Variants in HS3ST5 observed in about 807,000 individuals in gnomAD.
HS3ST5 encodes the protein heparan sulfate-glucosamine 3-sulfotransferase 5, also known as heparan sulfate glucosamine 3-O-sulfotransferase 5.
Under a neutral mutation model 25.4 loss-of-function variants are expected in HS3ST5, and 10 were observed. The observed-to-expected ratio is 0.39, with a 90% CI of 0.24 to 0.67. The LOEUF (loss-of-function observed/expected upper bound fraction) is 0.67, where lower values mean the gene tolerates loss of function less well. Among genes scored for constraint, HS3ST5 ranks in the 30% least tolerant of loss-of-function variants. The pLI is 0.44. For synonymous variants in HS3ST5, 170 were observed against 162.4 expected (o/e 1.05, Z -0.36); for missense variants, 324 against 420.7 (o/e 0.77, Z 2.01).
intron 3 of HS3ST5, among the ~76,000 whole-genome samples, chr6:114,133,561 G>T (rs148912529): frequency 3.9e-4 from 60 of 152,302 alleles, no homozygotes; most frequent in African/African-American, 1.3e-3. Context: ...GGGACTAGAT[G>T]TCTTAATATG....
intron 3 of HS3ST5, among the ~76,000 whole-genome samples, chr6:114,115,038 T>C (rs1223932884): frequency 1.3e-5 from 2 of 152,134 alleles, no homozygotes; most frequent in Non-Finnish European, 2.9e-5. Context: ...ATAAATGCTA[T>C]GTACAATGTG....
In HS3ST5 at chr6:114,232,226, C is replaced by T. The variant is rs549093362; in HGVS notation, c.-338-3448G>A. 6.2e-4 allele frequency among the ~76,000 whole-genome samples: 94 copies of T among 152,248 alleles called. 1 individual carries two copies. Among genetic ancestry groups the T allele is most frequent in the African/African-American group, 2.1e-3 (87 of 41,544 alleles). On this transcript the variant is annotated intron_variant, in intron 1 of 4. Coordinates refer to ENST00000312719, the MANE Select transcript of HS3ST5 (RefSeq NM_153612.4). ...AATTCATAATGAGAGAATCCTAAAT[C>T]GAAACCACTTTATTATCCACTGTAT... is the stretch of plus-strand genomic sequence containing the variant.
chr6:114,093,081 G>A (rs1363990006), intron 3 of HS3ST5, among the ~76,000 whole-genome samples: 1 of 152,134 alleles, frequency 6.6e-6, no homozygotes, highest in East Asian at 1.9e-4. Context: ...CAGGATTGTG[G>A]AAGTTCAATA....
At chr6:114,081,859 A>T (rs1774468264) in intron 3 of HS3ST5, among the ~76,000 whole-genome samples, 1 of 152,168 alleles carries the variant, frequency 6.6e-6, no homozygotes, top group Non-Finnish European at 1.5e-5. Context: ...TCTCAGCTTT[A>T]TTGAGATATA....
At chr6:114,293,674 A>G (rs140347868) in intron 1 of HS3ST5, among the ~76,000 whole-genome samples, 1 of 152,352 alleles carries the variant, frequency 6.6e-6, no homozygotes, top group East Asian at 1.9e-4. Flanking sequence ...ATAAGAGCAT[A>G]TAAAATCACT....
chr6:114,307,553 T>TA (rs1297284358), intron 1 of HS3ST5, among the ~76,000 whole-genome samples: 1 of 152,076 alleles, frequency 6.6e-6, no homozygotes, highest in Non-Finnish European at 1.5e-5. Flanking sequence ...AGAATCATGA[T>TA]AAAAAATAAT....
At chr6:114,179,243 A>G (rs1779854671) in intron 2 of HS3ST5, 1 of 152,232 alleles carries the variant, frequency 6.6e-6, no homozygotes, top group Non-Finnish European at 1.5e-5. Context: ...ATAGTAAGCA[A>G]GCAATAATTA....
intron 3 of HS3ST5, among the ~76,000 whole-genome samples, chr6:114,165,950 G>A (rs1393721364): frequency 2.0e-5 from 3 of 152,110 alleles, no homozygotes; most frequent in East Asian, 1.9e-4. Flanking sequence ...GGAGGCTGAC[G>A]CGGGAGGATC....
At chr6:114,210,786 T>C (rs955125150) in intron 2 of HS3ST5, among the ~76,000 whole-genome samples, 2 of 152,232 alleles carry the variant, frequency 1.3e-5, no homozygotes, top group Non-Finnish European at 2.9e-5. Flanking sequence ...TTGGTCATAG[T>C]TATAAAATTT....
At chr6:114,120,000 C>G (rs1263445950) in intron 3 of HS3ST5, among the ~76,000 whole-genome samples, 2 of 152,044 alleles carry the variant, frequency 1.3e-5, no homozygotes, top group Non-Finnish European at 2.9e-5. Flanking sequence ...CAAAAATTAC[C>G]CAGGTGTGGT....
chr6:114,067,288 G>A (rs1286298355), intron 3 of HS3ST5, among the ~76,000 whole-genome samples: 1 of 152,114 alleles, frequency 6.6e-6, no homozygotes, highest in Non-Finnish European at 1.5e-5. Flanking sequence ...AGCTGGGCTT[G>A]GGAATAAAAC....
chr6:114,323,773 T>C (rs947437186), intron 1 of HS3ST5, among the ~76,000 whole-genome samples: 5 of 152,142 alleles, frequency 3.3e-5, no homozygotes, highest in African/African-American at 9.7e-5. Context: ...TATACAGAGT[T>C]ATCCGGGGTA....
intron 1 of HS3ST5, among the ~76,000 whole-genome samples, chr6:114,232,012 C>CT (rs1215545899): frequency 6.6e-6 from 1 of 152,084 alleles, no homozygotes; most frequent in Non-Finnish European, 1.5e-5. Context: ...CTAGGGATTC[C>CT]TTTTTTGATT....
chr6:114,101,236 A>T (rs536893480), intron 3 of HS3ST5, among the ~76,000 whole-genome samples: 1 of 152,362 alleles, frequency 6.6e-6, no homozygotes, highest in East Asian at 1.9e-4. Flanking sequence ...GAATAAGCAG[A>T]TACTCACAAA....
chr6:114,113,638 T>A (rs1025685977), intron 3 of HS3ST5, among the ~76,000 whole-genome samples: 9 of 151,966 alleles, frequency 5.9e-5, no homozygotes, highest in African/African-American at 1.7e-4. Flanking sequence ...ACTCATAGCG[T>A]ATATCAGTAT....
At chr6:114,133,694 C>G (rs1227913631) in intron 3 of HS3ST5, among the ~76,000 whole-genome samples, 1 of 152,148 alleles carries the variant, frequency 6.6e-6, no homozygotes, top group Non-Finnish European at 1.5e-5. Context: ...TTAAGATGCT[C>G]ATTTGTAGTG....
intron 1 of HS3ST5, among the ~76,000 whole-genome samples, chr6:114,294,810 T>A (rs1402902475): frequency 1.3e-5 from 2 of 152,216 alleles, no homozygotes; most frequent in Non-Finnish European, 2.9e-5. Context: ...TTCACTAATG[T>A]TGGCTGAAAT....
chr6:114,308,030 T>A (rs1446308830), intron 1 of HS3ST5, among the ~76,000 whole-genome samples: 1 of 152,072 alleles, frequency 6.6e-6, no homozygotes, highest in African/African-American at 2.4e-5. Context: ...AATTTGGAAA[T>A]AAAATTTTTA....
At chr6:114,107,557 C>G (rs7772231) in intron 3 of HS3ST5, among the ~76,000 whole-genome samples, 16,524 of 152,170 alleles carry the variant, frequency 0.11, 923 homozygotes, top group East Asian at 0.17. Context: ...AAAGAAAAGA[C>G]AGATTGGATA....
Sources: allele counts gnomAD v4.1 joint callset (sites outside exome capture counted in the v4.1 genomes callset), GRCh38; gene constraint gnomAD v4.1.1; transcripts MANE v1.5; gene names NCBI Gene and HGNC (gene_info 2026-07-23, HGNC 2026-07-21).